The following ENTREP2 variants were observed in gnomAD, a reference collection of about 807,000 sequenced individuals.
The protein encoded by ENTREP2 is protein ENTREP2.
At chr15:29,502,952 C>A in the ENTREP2 span, among the ~76,000 whole-genome samples, 57,985 of 145,044 alleles carry the variant, frequency 0.4, 11,193 homozygotes, top group South Asian at 0.45. Context: ...GAAAAAAAAA[C>A]CAGAAAATAA....
the ENTREP2 span, among the ~76,000 whole-genome samples, chr15:29,630,047 C>T: frequency 2.6e-5 from 4 of 152,088 alleles, no homozygotes; most frequent in African/African-American, 9.7e-5. Context: ...ACCCAGGAGG[C>T]GGAGGGTGCA....
At chr15:29,434,787 G>A in the ENTREP2 span, among the ~76,000 whole-genome samples, 1 of 152,166 alleles carries the variant, frequency 6.6e-6, no homozygotes, top group African/African-American at 2.4e-5. Context: ...GTCTCACGAA[G>A]CTTGAGAAAC....
chr15:29,386,443 G>A, the ENTREP2 span, among the ~76,000 whole-genome samples: 2 of 152,198 alleles, frequency 1.3e-5, no homozygotes, highest in Non-Finnish European at 2.9e-5. Flanking sequence ...CGGTGAGGCG[G>A]ATAAGGGAAC....
the ENTREP2 span, chr15:29,233,767 A>T: frequency 1.3e-6 from 2 of 1,533,362 alleles, no homozygotes; most frequent in Non-Finnish European, 1.8e-6. Flanking sequence ...AATCAGTCTG[A>T]TGATGTGTGT....
chr15:29,571,353 G>T, the ENTREP2 span, among the ~76,000 whole-genome samples: 2 of 151,768 alleles, frequency 1.3e-5, no homozygotes, highest in Admixed American at 1.3e-4. Context: ...GCCTGGGGAC[G>T]GCTCGGGATG....
At chr15:29,629,653 T>C in the ENTREP2 span, among the ~76,000 whole-genome samples, 2 of 152,232 alleles carry the variant, frequency 1.3e-5, no homozygotes, top group African/African-American at 4.8e-5. Context: ...CAGATGGCAT[T>C]ATAATGTTTG....
the ENTREP2 span, among the ~76,000 whole-genome samples, chr15:29,601,139 C>T: frequency 8.7e-5 from 13 of 148,818 alleles, no homozygotes; most frequent in South Asian, 2.1e-4. Context: ...CCTCGTGATC[C>T]GCCTGCCTCG....
At chr15:29,309,588 T>C in the ENTREP2 span, among the ~76,000 whole-genome samples, 1 of 152,188 alleles carries the variant, frequency 6.6e-6, no homozygotes, top group South Asian at 2.1e-4. Context: ...GAGACCAGCA[T>C]GGCCAGCACG....
At chr15:29,514,080 T>C in the ENTREP2 span, among the ~76,000 whole-genome samples, 4 of 152,294 alleles carry the variant, frequency 2.6e-5, no homozygotes, top group African/African-American at 7.2e-5. Flanking sequence ...GGTTTTTATG[T>C]GGTAAAAAAC....
the ENTREP2 span, among the ~76,000 whole-genome samples, chr15:29,140,746 A>T: frequency 6.6e-6 from 1 of 151,994 alleles, no homozygotes. Flanking sequence ...CTGCAGCCTC[A>T]CCTGCATGTT....
chr15:29,160,314 A>C, the ENTREP2 span, among the ~76,000 whole-genome samples: 3 of 152,246 alleles, frequency 2.0e-5, no homozygotes, highest in South Asian at 6.2e-4. Context: ...CAAACCCAGA[A>C]AGGGGCTCCC....
the ENTREP2 span, among the ~76,000 whole-genome samples, chr15:29,541,386 C>G: frequency 1.3e-5 from 2 of 152,136 alleles, no homozygotes; most frequent in Non-Finnish European, 2.9e-5. Flanking sequence ...CCTGAGGGAG[C>G]CCATGTTCCA....
At chr15:29,492,351 T>C in the ENTREP2 span, among the ~76,000 whole-genome samples, 70,676 of 152,122 alleles carry the variant, frequency 0.46, 17,588 homozygotes, top group African/African-American at 0.66. Flanking sequence ...AATAAGTTCA[T>C]ATATGCATAG....
chr15:29,386,808 T>C, the ENTREP2 span, among the ~76,000 whole-genome samples: 1 of 152,346 alleles, frequency 6.6e-6, no homozygotes, highest in East Asian at 1.9e-4. Context: ...AAGTCAGTTA[T>C]TGGTGTATAA....
chr15:29,470,902 C>T, the ENTREP2 span, among the ~76,000 whole-genome samples: 17 of 152,346 alleles, frequency 1.1e-4, no homozygotes, highest in East Asian at 3.3e-3. Flanking sequence ...ATTTGACAAA[C>T]GTCATGCCTT....
the ENTREP2 span, chr15:29,136,226 TC>T: frequency 4.7e-5 from 42 of 896,374 alleles, no homozygotes; most frequent in South Asian, 8.8e-4. Flanking sequence ...TCCGGGGGCC[TC>T]GGCACAGGGC....
chr15:29,473,820 T>G, the ENTREP2 span, among the ~76,000 whole-genome samples: 2 of 152,234 alleles, frequency 1.3e-5, no homozygotes, highest in African/African-American at 4.8e-5. Context: ...CGGCCCCATC[T>G]CCCGGGCTGA....
the ENTREP2 span, among the ~76,000 whole-genome samples, chr15:29,624,133 G>C: frequency 6.6e-6 from 1 of 152,200 alleles, no homozygotes; most frequent in Non-Finnish European, 1.5e-5. Context: ...CTTTCGACTT[G>C]GTTTATCCAC....
At chr15:29,657,215 C>CTTTTT in the ENTREP2 span, among the ~76,000 whole-genome samples, 8 of 146,648 alleles carry the variant, frequency 5.5e-5, no homozygotes, top group African/African-American at 2.0e-4. Flanking sequence ...GCCGCGCCAG[C>CTTTTT]TTTTTTTTTT....
Sources: gnomAD v4.1 joint callset for allele counts (sites outside exome capture counted in the v4.1 genomes callset) on GRCh38, gnomAD v4.1.1 for gene constraint, MANE v1.5 for transcripts, NCBI Gene and HGNC (gene_info 2026-07-23, HGNC 2026-07-21) for gene names.